Variants in RNF180 observed in about 807,000 individuals in gnomAD.
The protein encoded by RNF180 is ring finger protein 180, also known as E3 ubiquitin-protein ligase RNF180.
RNF180 carries 38 observed loss-of-function variants against 59.2 expected under a neutral mutation model. The observed-to-expected ratio is 0.64, with a 90% CI of 0.50 to 0.84. The LOEUF (loss-of-function observed/expected upper bound fraction) is 0.84. RNF180 is among the 40% of genes least tolerant of loss of function. The pLI, the probability that RNF180 is intolerant of heterozygous loss-of-function variation, is 0.00. For synonymous variants in RNF180, 262 were observed against 240.3 expected, an observed-to-expected ratio of 1.09 and a Z score of -0.84; for missense variants, 705 against 700.9, an observed-to-expected ratio of 1.01 and a Z score of -0.07.
chr5:64,226,742 T>C (rs1195220387), intron 5 of RNF180, among the ~76,000 whole-genome samples: 1 of 152,120 alleles, frequency 6.6e-6, no homozygotes, highest in Non-Finnish European at 1.5e-5. Flanking sequence ...ACAGCACAGA[T>C]ATAGCTGGTA....
At position 64,195,396 on chromosome 5, in the gene RNF180, C is replaced by T. The variant is rs558340530; in HGVS notation, c.1-5412C>T. ...TAGTAAGCAAATTGTTATTAACCAC[C>T]TCCTGTGTAGTTAGGAAATAAAGAA... On this transcript the variant is annotated intron_variant, in intron 1 of 7. Transcript: ENST00000389100. 5.3e-5 allele frequency among the ~76,000 whole-genome samples: 8 copies of T among 152,240 alleles called. No individual in the cohort carries two copies. The East Asian group carries it at 1.5e-3, about 29-fold the overall frequency.
At chr5:64,274,657 C>G (rs1158439803) in intron 5 of RNF180, among the ~76,000 whole-genome samples, 1 of 151,976 alleles carries the variant, frequency 6.6e-6, no homozygotes, top group African/African-American at 2.4e-5. Flanking sequence ...GCTAATTCAG[C>G]CTCACAGCCA....
intron 1 of RNF180, among the ~76,000 whole-genome samples, chr5:64,175,595 T>C (rs1750190401): frequency 6.6e-6 from 1 of 152,206 alleles, no homozygotes; most frequent in Non-Finnish European, 1.5e-5. Context: ...CTTTGGCTAT[T>C]TGGGGTCTTT....
chr5:64,318,788 AC>A (rs1482486741), intron 5 of RNF180, among the ~76,000 whole-genome samples: 2 of 152,198 alleles, frequency 1.3e-5, no homozygotes, highest in East Asian at 3.8e-4. Flanking sequence ...GCAGTAAAAA[AC>A]AATTGGATTT....
chr5:64,274,341 G>A (rs1029537005), intron 5 of RNF180, among the ~76,000 whole-genome samples: 5 of 148,886 alleles, frequency 3.4e-5, no homozygotes, highest in African/African-American at 4.9e-5. Context: ...CTCTTAACAC[G>A]CTCATTTTTA....
chr5:64,200,891 T>C lies in RNF180; in HGVS notation c.84T>C (p.Cys28=). 2 of 1,613,394 alleles carry C rather than the reference T, an allele frequency of 1.2e-6. No individual in the cohort carries two copies. Among genetic ancestry groups the C allele is most frequent in the Non-Finnish European group, 1.7e-6 (2 of 1,179,332 alleles). The change falls in exon 2 of 8, where the codon TGT becomes TGC. Residue 28 remains cysteine, a synonymous_variant. Coordinates refer to ENST00000389100, the MANE Select transcript of RNF180 (RefSeq NM_001113561.2). ...SILRCWKCRK[C]IASSGCFMEY... ...TTCGTTGTTGGAAATGTAGAAAATG[T>C]ATAGCAAGCTCTGGTTGTTTTATGG...
intron 7 of RNF180, among the ~76,000 whole-genome samples, chr5:64,348,835 CTT>C (rs1745665140): frequency 6.6e-6 from 1 of 151,952 alleles, no homozygotes; most frequent in Middle Eastern, 3.2e-3. Flanking sequence ...AATGATATAA[CTT>C]ATTATTCAGC....
intron 5 of RNF180, among the ~76,000 whole-genome samples, chr5:64,281,218 G>A (rs2112389269): frequency 6.6e-6 from 1 of 152,260 alleles, no homozygotes; most frequent in Admixed American, 6.5e-5. Context: ...AGACTGTGGG[G>A]TTTTCTGTAT....
chr5:64,355,875 A>T (rs1745999204), intron 7 of RNF180, among the ~76,000 whole-genome samples: 1 of 151,916 alleles, frequency 6.6e-6, no homozygotes, highest in African/African-American at 2.4e-5. Context: ...CCTTAACTCC[A>T]AGTTGATCAA....
intron 5 of RNF180, among the ~76,000 whole-genome samples, chr5:64,262,210 A>G (rs1440267012): frequency 6.6e-6 from 1 of 152,168 alleles, no homozygotes; most frequent in Non-Finnish European, 1.5e-5. Flanking sequence ...GGTAAATAAT[A>G]TATATATTTC....
intron 5 of RNF180, among the ~76,000 whole-genome samples, chr5:64,312,990 C>G (rs1743850053): frequency 6.6e-6 from 1 of 152,048 alleles, no homozygotes; most frequent in Admixed American, 6.6e-5. Flanking sequence ...TATCCCTTAT[C>G]TAAAATGCTT....
intron 5 of RNF180, among the ~76,000 whole-genome samples, chr5:64,313,479 A>C (rs1387835186): frequency 6.6e-6 from 1 of 152,154 alleles, no homozygotes; most frequent in Non-Finnish European, 1.5e-5. Context: ...GCTGAAAAGG[A>C]CATGATCTCA....
intron 5 of RNF180, chr5:64,217,707 T>C (rs1309156868): frequency 1.6e-4 from 34 of 206,138 alleles, no homozygotes; most frequent in Admixed American, 1.8e-4. Flanking sequence ...CCAGCACTTT[T>C]GAGAGGCCAA....
intron 7 of RNF180, among the ~76,000 whole-genome samples, chr5:64,353,951 G>A (rs905008455): frequency 2.0e-5 from 3 of 151,482 alleles, no homozygotes; most frequent in South Asian, 2.1e-4. Flanking sequence ...ATGGCATACC[G>A]AAAATTTACA....
chr5:64,259,110 G>A (rs988496931), intron 5 of RNF180, among the ~76,000 whole-genome samples: 2 of 152,166 alleles, frequency 1.3e-5, no homozygotes, highest in Non-Finnish European at 2.9e-5. Context: ...AATGGGGCGG[G>A]AGTGGGTGGA....
At chr5:64,350,028 A>G (rs558852086) in intron 7 of RNF180, among the ~76,000 whole-genome samples, 1 of 152,252 alleles carries the variant, frequency 6.6e-6, no homozygotes, top group South Asian at 2.1e-4. Flanking sequence ...TTACAGTCCC[A>G]CCAACAGTGT....
intron 7 of RNF180, among the ~76,000 whole-genome samples, chr5:64,361,091 A>G (rs1746237710): frequency 6.6e-6 from 1 of 151,476 alleles, no homozygotes; most frequent in Admixed American, 6.6e-5. Flanking sequence ...GCAGGCACAC[A>G]TTGATCCATG....
chr5:64,227,252 G>C (rs1482980746), intron 5 of RNF180, among the ~76,000 whole-genome samples: 1 of 152,136 alleles, frequency 6.6e-6, no homozygotes, highest in East Asian at 1.9e-4. Context: ...AGGAGACCAG[G>C]GGCTTGCATT....
chr5:64,307,226 A>G (rs531078410), intron 5 of RNF180, among the ~76,000 whole-genome samples: 2 of 150,772 alleles, frequency 1.3e-5, no homozygotes, highest in South Asian at 2.1e-4. Flanking sequence ...CTCTAAATAT[A>G]TTGGGTAGTC....
Sources: allele counts gnomAD v4.1 joint callset (sites outside exome capture counted in the v4.1 genomes callset), GRCh38; gene constraint gnomAD v4.1.1; transcripts MANE v1.5; gene names NCBI Gene and HGNC (gene_info 2026-07-23, HGNC 2026-07-21).